KCNQ5: variants seen among roughly 807,000 people sequenced by gnomAD.
KCNQ5 encodes potassium voltage-gated channel subfamily Q member 5.
A neutral mutation model predicts 98.2 loss-of-function variants in KCNQ5; 30 were observed. The observed-to-expected ratio is 0.31, with a 90% CI of 0.23 to 0.41. The LOEUF is 0.41. KCNQ5 is among the 10% of genes least tolerant of loss of function. KCNQ5 has a pLI of 1.00. For missense variants in KCNQ5, 835 were observed against 1,182.5 expected, an observed-to-expected ratio of 0.71 and a Z score of 4.31; for synonymous variants, 458 against 449.4, an observed-to-expected ratio of 1.02 and a Z score of -0.24.
At chr6:72,983,340 T>G (rs1456451263) in intron 1 of KCNQ5, among the ~76,000 whole-genome samples, 2 of 152,248 alleles carry the variant, frequency 1.3e-5, no homozygotes, top group Non-Finnish European at 2.9e-5. Flanking sequence ...TTTCACATAG[T>G]CTCACATTTC....
At chr6:73,050,802 C>A (rs1772200290) in intron 3 of KCNQ5, among the ~76,000 whole-genome samples, 1 of 152,156 alleles carries the variant, frequency 6.6e-6, no homozygotes, top group South Asian at 2.1e-4. Flanking sequence ...GTAATTTTGT[C>A]ATTTTTATAA....
chr6:72,999,441 A>G (rs540837087), intron 1 of KCNQ5, among the ~76,000 whole-genome samples: 1 of 152,244 alleles, frequency 6.6e-6, no homozygotes, highest in African/African-American at 2.4e-5. Context: ...ATAAAGGCCA[A>G]TAGCTGTTCC....
intron 1 of KCNQ5, among the ~76,000 whole-genome samples, chr6:72,966,264 A>C (rs1454959138): frequency 6.6e-6 from 1 of 152,222 alleles, no homozygotes; most frequent in Non-Finnish European, 1.5e-5. Flanking sequence ...TTTGTATTAT[A>C]AAAAGAAAAG....
chr6:73,146,487 T>C (rs903956275), intron 10 of KCNQ5, among the ~76,000 whole-genome samples: 1 of 151,992 alleles, frequency 6.6e-6, no homozygotes, highest in Non-Finnish European at 1.5e-5. Flanking sequence ...TAGCTGGGCA[T>C]GGTGGCACAG....
intron 1 of KCNQ5, among the ~76,000 whole-genome samples, chr6:72,977,064 C>T (rs1360452854): frequency 6.6e-6 from 1 of 152,128 alleles, no homozygotes; most frequent in South Asian, 2.1e-4. Flanking sequence ...TCCATGTTAG[C>T]GAAAACTTGT....
intron 10 of KCNQ5, among the ~76,000 whole-genome samples, chr6:73,168,251 T>C (rs1777878436): frequency 6.6e-6 from 1 of 152,194 alleles, no homozygotes; most frequent in African/African-American, 2.4e-5. Context: ...GAACCTCCAA[T>C]AGCCTTTCAA....
At chr6:72,671,543 T>C (rs1767104145) in intron 1 of KCNQ5, among the ~76,000 whole-genome samples, 1 of 152,202 alleles carries the variant, frequency 6.6e-6, no homozygotes, top group Admixed American at 6.5e-5. Context: ...TTTTTATTCA[T>C]CACTTTAAAC....
intron 1 of KCNQ5, among the ~76,000 whole-genome samples, chr6:72,731,514 T>A (rs1020409330): frequency 3.3e-5 from 5 of 152,246 alleles, no homozygotes; most frequent in Non-Finnish European, 7.3e-5. Context: ...GATTCAGGCT[T>A]CTTTTTTTCC....
intron 1 of KCNQ5, among the ~76,000 whole-genome samples, chr6:72,919,738 T>A (rs1409353963): frequency 6.6e-6 from 1 of 152,174 alleles, no homozygotes; most frequent in Non-Finnish European, 1.5e-5. Context: ...CTGTTCTGGG[T>A]GGGCTTGCAT....
At chr6:72,782,857 G>T (rs1773558399) in intron 1 of KCNQ5, among the ~76,000 whole-genome samples, 2 of 152,164 alleles carry the variant, frequency 1.3e-5, no homozygotes, top group South Asian at 4.1e-4. Flanking sequence ...ACAGAGCCTA[G>T]AATGGTTCCT....
intron 2 of KCNQ5, among the ~76,000 whole-genome samples, chr6:73,020,901 C>T (rs1770573414): frequency 6.6e-6 from 1 of 150,750 alleles, no homozygotes; most frequent in African/African-American, 2.5e-5. Flanking sequence ...ACCAATTTCC[C>T]TTAAAGGTGC....
At chr6:72,942,701 T>C (rs1011117390) in intron 1 of KCNQ5, among the ~76,000 whole-genome samples, 1 of 152,192 alleles carries the variant, frequency 6.6e-6, no homozygotes, top group Non-Finnish European at 1.5e-5. Flanking sequence ...GTGTTCACTG[T>C]GGTGCTATGG....
intron 10 of KCNQ5, among the ~76,000 whole-genome samples, chr6:73,139,412 G>A (rs1465150346): frequency 6.6e-6 from 1 of 152,122 alleles, no homozygotes; most frequent in African/African-American, 2.4e-5. Flanking sequence ...ATTGCATTTG[G>A]GGAAAGCAAC....
At chr6:72,673,463 A>C (rs533618311) in intron 1 of KCNQ5, among the ~76,000 whole-genome samples, 19 of 152,274 alleles carry the variant, frequency 1.2e-4, no homozygotes, top group African/African-American at 4.6e-4. Context: ...ACAACAGAAC[A>C]TACTTCTTTC....
chr6:72,926,964 CA>C (rs1765453312), intron 1 of KCNQ5, among the ~76,000 whole-genome samples: 1 of 152,134 alleles, frequency 6.6e-6, no homozygotes, highest in Non-Finnish European at 1.5e-5. Flanking sequence ...TGTGCTCCAA[CA>C]AGTTTCTCAT....
chr6:72,934,202 A>T (rs1228618779), intron 1 of KCNQ5, among the ~76,000 whole-genome samples: 2 of 152,248 alleles, frequency 1.3e-5, no homozygotes, highest in Non-Finnish European at 2.9e-5. Context: ...AATCTGCTGA[A>T]CATACATCTA....
At chr6:72,685,304 T>C (rs1392722327) in intron 1 of KCNQ5, among the ~76,000 whole-genome samples, 2 of 152,232 alleles carry the variant, frequency 1.3e-5, no homozygotes, top group Non-Finnish European at 1.5e-5. Context: ...AATCCCTCAG[T>C]CAAGAGAAAC....
At chr6:72,783,648 G>C (rs1465876785) in intron 1 of KCNQ5, among the ~76,000 whole-genome samples, 1 of 152,142 alleles carries the variant, frequency 6.6e-6, no homozygotes, top group African/African-American at 2.4e-5. Context: ...ATTATAGAAA[G>C]AAGGCAGAGC....
At chr6:73,034,839 CT>C (rs71669816) in intron 2 of KCNQ5, among the ~76,000 whole-genome samples, 67,358 of 111,776 alleles carry the variant, frequency 0.6, 18,369 homozygotes, top group South Asian at 0.71. Context: ...TGCCTCTTTT[CT>C]TTTTTTTTTT....
Sources: gnomAD v4.1 joint callset for allele counts (sites outside exome capture counted in the v4.1 genomes callset) on GRCh38, gnomAD v4.1.1 for gene constraint, MANE v1.5 for transcripts, NCBI Gene and HGNC (gene_info 2026-07-23, HGNC 2026-07-21) for gene names.